CNTNAP2: variants seen among roughly 807,000 people sequenced by gnomAD.
CNTNAP2 encodes the protein contactin associated protein 2.
CNTNAP2 carries 98 observed loss-of-function variants against 155.2 expected under a neutral mutation model. That is an observed-to-expected ratio of 0.63 (90% CI 0.54 to 0.75). The LOEUF is 0.75. CNTNAP2 is among the 30% of genes least tolerant of loss of function. CNTNAP2 has a pLI of 0.00. For missense variants in CNTNAP2, 1,727 were observed against 1,688.1 expected, an observed-to-expected ratio of 1.02 and a Z score of -0.40; for synonymous variants, 651 against 631.2, an observed-to-expected ratio of 1.03 and a Z score of -0.47.
chr7:146,900,386 C>A (rs1289377971), intron 3 of CNTNAP2, among the ~76,000 whole-genome samples: 1 of 152,158 alleles, frequency 6.6e-6, no homozygotes, highest in Non-Finnish European at 1.5e-5. Context: ...TAGTCCTGAC[C>A]ATCTGCAAGT....
chr7:146,492,892 T>G (rs1288743765), intron 1 of CNTNAP2, among the ~76,000 whole-genome samples: 2 of 152,184 alleles, frequency 1.3e-5, no homozygotes, highest in Non-Finnish European at 2.9e-5. Flanking sequence ...TATTAAATAT[T>G]TTCTGAATTT....
At chr7:147,357,462 G>A (rs1796083160) in intron 9 of CNTNAP2, among the ~76,000 whole-genome samples, 1 of 152,040 alleles carries the variant, frequency 6.6e-6, no homozygotes, top group African/African-American at 2.4e-5. Flanking sequence ...AGTGATCTAA[G>A]GTGATGGAAT....
intron 14 of CNTNAP2, among the ~76,000 whole-genome samples, chr7:147,916,336 A>C (rs1044809712): frequency 6.6e-6 from 1 of 152,152 alleles, no homozygotes; most frequent in Non-Finnish European, 1.5e-5. Context: ...GGATTGTATC[A>C]TGACAGAAGG....
intron 8 of CNTNAP2, among the ~76,000 whole-genome samples, chr7:147,268,948 C>T (rs1320047586): frequency 1.3e-5 from 2 of 152,088 alleles, no homozygotes; most frequent in South Asian, 2.1e-4. Flanking sequence ...TAAATGGAGT[C>T]TTTATTTAAT....
chr7:147,297,263 T>G (rs1208588550), intron 8 of CNTNAP2, among the ~76,000 whole-genome samples: 2 of 152,164 alleles, frequency 1.3e-5, no homozygotes, highest in East Asian at 3.9e-4. Flanking sequence ...GATCACTCCC[T>G]CAGATTCATT....
At chr7:146,502,281 T>A (rs1279339232) in intron 1 of CNTNAP2, among the ~76,000 whole-genome samples, 1 of 126,812 alleles carries the variant, frequency 7.9e-6, no homozygotes, top group Non-Finnish European at 1.6e-5. Context: ...CTTTATCCAT[T>A]CATCTGTTGG....
intron 1 of CNTNAP2, among the ~76,000 whole-genome samples, chr7:146,471,026 A>G (rs921248301): frequency 2.0e-5 from 3 of 152,208 alleles, no homozygotes; most frequent in African/African-American, 7.2e-5. Flanking sequence ...TTGTAACGAT[A>G]CTTACATGGG....
At chr7:147,806,805 A>G (rs1042808567) in intron 13 of CNTNAP2, among the ~76,000 whole-genome samples, 1 of 152,232 alleles carries the variant, frequency 6.6e-6, no homozygotes, top group African/African-American at 2.4e-5. Flanking sequence ...AATTGATCTC[A>G]TGGAGGTAGA....
intron 1 of CNTNAP2, among the ~76,000 whole-genome samples, chr7:146,413,159 A>G (rs1056026437): frequency 6.4e-4 from 97 of 152,192 alleles, no homozygotes; most frequent in Non-Finnish European, 1.2e-4. Flanking sequence ...TTTAAATGAA[A>G]AAGCACTTGA....
intron 4 of CNTNAP2, among the ~76,000 whole-genome samples, chr7:147,068,482 C>T (rs1458128417): frequency 6.6e-6 from 1 of 152,168 alleles, no homozygotes; most frequent in African/African-American, 2.4e-5. Flanking sequence ...CCTCCACCTC[C>T]CAAGCAGCTG....
chr7:147,447,565 C>T (rs556103441), intron 10 of CNTNAP2, among the ~76,000 whole-genome samples: 24 of 152,054 alleles, frequency 1.6e-4, no homozygotes, highest in South Asian at 4.2e-4. Context: ...TACAGGCGCG[C>T]GCCACCAAGC....
At chr7:147,927,088 A>G (rs1800409970) in intron 14 of CNTNAP2, among the ~76,000 whole-genome samples, 2 of 152,238 alleles carry the variant, frequency 1.3e-5, no homozygotes, top group Non-Finnish European at 2.9e-5. Flanking sequence ...ACAATTGCGT[A>G]TATTACAGAG....
At chr7:147,696,604 C>T (rs1355772585) in intron 13 of CNTNAP2, among the ~76,000 whole-genome samples, 4 of 152,058 alleles carry the variant, frequency 2.6e-5, no homozygotes, top group East Asian at 1.9e-4. Context: ...TAGCGCTCTC[C>T]CTTTATGTAG....
intron 8 of CNTNAP2, among the ~76,000 whole-genome samples, chr7:147,283,539 T>C (rs12534978): frequency 0.16 from 24,227 of 151,838 alleles, 3,258 homozygotes; most frequent in East Asian, 0.76. Context: ...CTAGCTAATG[T>C]TGTCTTTAGA....
chr7:147,935,970 C>A (rs1800599613), intron 14 of CNTNAP2, among the ~76,000 whole-genome samples: 1 of 152,116 alleles, frequency 6.6e-6, no homozygotes, highest in Non-Finnish European at 1.5e-5. Flanking sequence ...ATTCAGTCCT[C>A]ATTTCATAAA....
chr7:147,797,220 A>G (rs1221603111), intron 13 of CNTNAP2, among the ~76,000 whole-genome samples: 2 of 152,170 alleles, frequency 1.3e-5, no homozygotes, highest in Non-Finnish European at 2.9e-5. Flanking sequence ...TTTGTAAAAA[A>G]AACTATCTGA....
Position 148,166,535 on chromosome 7 carries a change from T to C in CNTNAP2, c.2774-5707T>C, listed in dbSNP as rs1805664226. Among the ~76,000 whole-genome samples, 4 of 152,308 alleles carry C rather than the reference T, an allele frequency of 2.6e-5. No individual in the cohort carries two copies. The South Asian group carries it at 8.3e-4, about 32-fold the overall frequency. ...TTGATCATTGTTTTTGCCCTTTTTG[T>C]TTAATTTAATAGCCGATTATTTTGT... On this transcript the variant is annotated intron_variant, in intron 17 of 23. Coordinates refer to ENST00000361727, the MANE Select transcript of CNTNAP2 (RefSeq NM_014141.6).
At chr7:148,170,965 T>C (rs973560219) in intron 17 of CNTNAP2, among the ~76,000 whole-genome samples, 3 of 152,154 alleles carry the variant, frequency 2.0e-5, no homozygotes, top group African/African-American at 7.2e-5. Flanking sequence ...ATGAGACCCC[T>C]GACTGGAAAG....
chr7:146,165,658 C>A (rs1463171922), intron 1 of CNTNAP2, among the ~76,000 whole-genome samples: 3 of 151,200 alleles, frequency 2.0e-5, no homozygotes, highest in African/African-American at 7.4e-5. Context: ...ATCTGTATGT[C>A]TTCAATTAAA....
Sources: gnomAD v4.1 joint callset for allele counts (sites outside exome capture counted in the v4.1 genomes callset) on GRCh38, gnomAD v4.1.1 for gene constraint, MANE v1.5 for transcripts, NCBI Gene and HGNC (gene_info 2026-07-23, HGNC 2026-07-21) for gene names.